The following TMEM190 variants were observed in gnomAD, a reference collection of about 807,000 sequenced individuals.
TMEM190 encodes the protein transmembrane protein 190.
In TMEM190, 17 loss-of-function variants were observed where a neutral mutation model predicts 17.1. The ratio of observed to expected loss-of-function variants is 0.99; its 90% CI spans 0.68 to 1.49. The LOEUF (loss-of-function observed/expected upper bound fraction) is 1.49, where lower values mean the gene tolerates loss of function less well. Ranked by LOEUF, TMEM190 falls within the 40% of genes most tolerant of loss-of-function variation. TMEM190 has a pLI of 0.00. For synonymous variants in TMEM190, 101 were observed against 103.8 expected, an observed-to-expected ratio of 0.97 and a Z score of 0.16; for missense variants, 246 against 245.0, an observed-to-expected ratio of 1.00 and a Z score of -0.03.
chr19:55,378,062 G>C lies in TMEM190; in HGVS notation c.393G>C (p.Lys131Asn). Residue 131 changes from lysine to asparagine, a missense_variant, in exon 5 of 5, where the codon AAG (lysine) becomes AAC (asparagine). Transcript: ENST00000291934. The stretch of plus-strand genomic sequence containing the variant: ...CCAAGTCCGTCTCGCTGCTCTCCAA[G>C]CACCGAGGGACCAAGAAGACGCCGT... ...DMSKSVSLLSKHRGTKKTPST... is the reference protein window; with the variant it reads ...DMSKSVSLLSNHRGTKKTPST... 1.9e-6 allele frequency: 3 copies of C among 1,612,316 alleles called. No homozygotes were observed. Among genetic ancestry groups the C allele is most frequent in the Non-Finnish European group, 2.5e-6 (3 of 1,179,426 alleles).
rs888358478 is a variant in TMEM190, at chr19:55,377,831, C to T, written c.250C>T (p.Leu84=). The T allele has an allele frequency of 3.7e-6, 6 of 1,611,438 alleles. No homozygotes were observed. Among genetic ancestry groups the T allele is most frequent in the Non-Finnish European group, 4.2e-6 (5 of 1,179,836 alleles). ...CGTGCGGAGGAAGCACATGTGGGCG[C>T]TGGTCTGGACGTGCAGCGGCCTCCT... is the stretch of plus-strand genomic sequence containing the variant. ...ENVRRKHMWA[L]VWTCSGLLLL... Residue 84 remains leucine, a synonymous_variant, in exon 4 of 5, where the codon CTG becomes TTG. Transcript: ENST00000291934.
rs1179950823 is a variant in TMEM190 at position 55,376,911 on chromosome 19, G to A, written c.58G>A (p.Asp20Asn). 6.3e-7 allele frequency: 1 copy of A among 1,576,612 alleles called. No individual in the cohort carries two copies. Among genetic ancestry groups the A allele is most frequent in the East Asian group, 2.3e-5 (1 of 43,378 alleles). The change falls in exon 1 of 5, where the codon GAC (aspartate) becomes AAC (asparagine). Residue 20 changes from aspartate (D) to asparagine (N), a missense_variant and splice_region_variant. By Grantham distance (23) the Asp-to-Asn change is conservative. Coordinates refer to ENST00000291934, the MANE Select transcript of TMEM190 (RefSeq NM_139172.3). ...GLLLLLQGSA[D>N]GNGIQGFFYP... ...GCTCCTGCTGCTGCAGGGCTCGGCA[G>A]GTGAGGGGCTGGTGAGGCGGGGGAG...
Position 55,377,576 on chromosome 19 carries a change from T to A in TMEM190, c.95-17T>A. The A allele has an allele frequency of 6.3e-7, 1 of 1,596,784 alleles. No individual in the cohort carries two copies. The highest frequency in any genetic ancestry group is 1.1e-5 in the South Asian group (1 of 88,678). On this transcript the variant is annotated splice_polypyrimidine_tract_variant and intron_variant, in intron 2 of 4. Coordinates refer to ENST00000291934, the MANE Select transcript of TMEM190 (RefSeq NM_139172.3). Reference sequence around the variant, plus strand: ...GGAGCGCTGTGATGAAGCAAGCCACTGGTGGTTGGTCCCCAGGCTGTGAGG... The same window carrying A: ...GGAGCGCTGTGATGAAGCAAGCCACAGGTGGTTGGTCCCCAGGCTGTGAGG...
rs779797713 is a variant in TMEM190 at position 55,376,950 on chromosome 19, C to T, written c.58+39C>T. 8.3e-5 allele frequency: 129 copies of T among 1,554,114 alleles called. 1 individual carries two copies. Among genetic ancestry groups the T allele is most frequent in the Non-Finnish European group, 1.0e-4 (116 of 1,148,430 alleles). On this transcript the variant is annotated intron_variant, in intron 1 of 4. Coordinates refer to ENST00000291934, the MANE Select transcript of TMEM190 (RefSeq NM_139172.3). ...GAGGCGGGGGAGCTGAGGAGGGACG[C>T]CCGGCTCCACACAGCCCTAACACTG...
Position 55,377,738 on chromosome 19 carries a change from G to A in TMEM190, c.220+20G>A, listed in dbSNP as rs1357083214. 1 of 1,611,192 alleles carries A rather than the reference G, an allele frequency of 6.2e-7. No individual in the cohort carries two copies. The highest frequency in any genetic ancestry group is 2.2e-5 in the East Asian group (1 of 44,808). ...CAGACGGTGAGGGCTCCTGGCCCCA[G>A]GTCCCTGGGGCGTGGGTCTGGCGGT... On this transcript the variant is annotated intron_variant, in intron 3 of 4. Transcript: ENST00000291934.
chr19:55,376,827 G>C lies in TMEM190; in HGVS notation c.-27G>C. The stretch of plus-strand genomic sequence containing the variant: ...ATGTCCTGTAAGGCCTCTTCCCACA[G>C]TGGCCCCAGGGGTCTGGGGAGGTGA... On this transcript the variant is annotated 5_prime_UTR_variant, in exon 1 of 5. Transcript: ENST00000291934. 1.3e-6 allele frequency: 2 copies of C among 1,516,752 alleles called. No individual in the cohort carries two copies. Among genetic ancestry groups the C allele is most frequent in the Non-Finnish European group, 1.8e-6 (2 of 1,130,224 alleles). 94.0% of individuals were successfully genotyped at this position (1,516,752 alleles called of 1,614,324 possible).
At position 55,378,213 on chromosome 19, in the gene TMEM190, C is replaced by T. The variant is rs201999424; in HGVS notation, c.*10C>T. 18 of 1,504,742 alleles carry T rather than the reference C, an allele frequency of 1.2e-5. No homozygotes were observed. The highest frequency in any genetic ancestry group is 1.5e-5 in the Non-Finnish European group (17 of 1,122,812). The allele number at this position is 1,504,742 out of a possible 1,614,324, so 93.2% of individuals were successfully genotyped here. A position where few individuals can be genotyped will look rare whatever the true frequency, so the allele number is the denominator to read the frequency against. On this transcript the variant is annotated 3_prime_UTR_variant, in exon 5 of 5. Transcript: ENST00000291934. ...GGAAGAGGAGGATTAGGGGAGTCCC[C>T]GGGGGACTGCTCAATACAGATACGG...
At chr19:55,377,064 GGAGCCCAGATCAGACCCC>G (rs770102849) in intron 2 of TMEM190, 38 bp downstream of exon 2, 2 of 1,549,168 alleles carry the variant, frequency 1.3e-6, no homozygotes, top group Non-Finnish European at 1.7e-6. Context: ...CCCAGGGAGG[GGAGCCCAGATCAGACCCC>G]TGAATCTGAG....
chr19:55,377,753 G>A (rs1311850885), intron 3 of TMEM190, 35 bp downstream of exon 3: 2 of 1,612,178 alleles, frequency 1.2e-6, no homozygotes, highest in Middle Eastern at 1.7e-4. Flanking sequence ...CTGGGGCGTG[G>A]GTCTGGCGGT....
chr19:55,378,026 G>A lies in TMEM190; in HGVS notation c.357G>A (p.Pro119=), dbSNP rs754588244. The A allele has an allele frequency of 4.3e-6, 7 of 1,612,602 alleles. No homozygotes were observed. The highest frequency in any genetic ancestry group is 4.5e-5 in the East Asian group (2 of 44,820). ...ATATGCCCGGTTTCCTGGCGGGTCCGTGTGACATGTCCAAGTCCGTCTCGC... is the reference window on the plus strand; with the variant it reads ...ATATGCCCGGTTTCCTGGCGGGTCCATGTGACATGTCCAAGTCCGTCTCGC... ...VLHMPGFLAG[P]CDMSKSVSLL... Residue 119 remains proline, a synonymous_variant, in exon 5 of 5, where the codon CCG becomes CCA. Transcript: ENST00000291934.
chr19:55,377,930 G>T lies in TMEM190; in HGVS notation c.305+44G>T, dbSNP rs745510906. ...GGGCGGGCGCCTGCACCCCCAGGGGGAGGGTCCGGCGGAGGGCGGGGGCTG... is the reference window on the plus strand; with the variant it reads ...GGGCGGGCGCCTGCACCCCCAGGGGTAGGGTCCGGCGGAGGGCGGGGGCTG... On this transcript the variant is annotated intron_variant, in intron 4 of 4. Coordinates refer to ENST00000291934, the MANE Select transcript of TMEM190 (RefSeq NM_139172.3). 10 of 1,606,426 alleles carry T rather than the reference G, an allele frequency of 6.2e-6. No homozygotes were observed. The African/African-American group carries it at 8.0e-5, about 13-fold the overall frequency.
At chr19:55,377,741 C>G (rs1465062619) in intron 3 of TMEM190, 23 bp downstream of exon 3, 2 of 1,611,710 alleles carry the variant, frequency 1.2e-6, no homozygotes, top group South Asian at 1.1e-5. Context: ...GGCCCCAGGT[C>G]CCTGGGGCGT....
Position 55,378,039 on chromosome 19 carries a change from A to C in TMEM190, c.370A>C (p.Lys124Gln). 3 of 1,612,742 alleles carry C rather than the reference A, an allele frequency of 1.9e-6. No homozygotes were observed. Among genetic ancestry groups the C allele is most frequent in the Non-Finnish European group, 2.5e-6 (3 of 1,179,786 alleles). The change falls in exon 5 of 5, where the codon AAG becomes CAG. Residue 124 changes from lysine (K) to glutamine (Q), a missense_variant. Lys to Gln is a moderately conservative substitution (Grantham distance 53). Transcript: ENST00000291934. ...GFLAGPCDMSKSVSLLSKHRG... is the reference protein window; with the variant it reads ...GFLAGPCDMSQSVSLLSKHRG... ...CCTGGCGGGTCCGTGTGACATGTCCAAGTCCGTCTCGCTGCTCTCCAAGCA... is the reference window on the plus strand; with the variant it reads ...CCTGGCGGGTCCGTGTGACATGTCCCAGTCCGTCTCGCTGCTCTCCAAGCA...
rs557123437 is a variant in TMEM190, at chr19:55,377,530, C to A, written c.95-63C>A. On this transcript the variant is annotated intron_variant, in intron 2 of 4. Coordinates refer to ENST00000291934, the MANE Select transcript of TMEM190 (RefSeq NM_139172.3). ...GCCTGGGAGCATGGCCTTGGAATCT[C>A]GTGTATGAGGCCTTCGGAGCGGAGC... 12 of 1,553,430 alleles carry A rather than the reference C, an allele frequency of 7.7e-6. No individual in the cohort carries two copies. In the African/African-American group the frequency reaches 1.5e-4, roughly 19 times the overall value.
chr19:55,377,452 G>A (rs1332881734), intron 2 of TMEM190, 141 bp from the exon 3 acceptor site: 2 of 1,348,302 alleles, frequency 1.5e-6, no homozygotes, highest in African/African-American at 2.9e-5. Flanking sequence ...GAGGGAGGAG[G>A]GGGTGGAGTC....
At chr19:55,377,320 G>GA in intron 2 of TMEM190, among the ~76,000 whole-genome samples, 1 of 116,708 alleles carries the variant, frequency 8.6e-6, no homozygotes, top group Non-Finnish European at 1.8e-5. Flanking sequence ...GGAGGGGCTG[G>GA]GCCTGGACTC....
In TMEM190 at chr19:55,377,995, T is replaced by A. The variant is rs1569036018; in HGVS notation, c.326T>A (p.Val109Glu). Residue 109 changes from valine to glutamate, a missense_variant, in exon 5 of 5, where the codon GTG (valine) becomes GAG (glutamate). Coordinates refer to ENST00000291934, the MANE Select transcript of TMEM190 (RefSeq NM_139172.3). ...CLFWWAKRRDVLHMPGFLAGP... is the reference protein window; with the variant it reads ...CLFWWAKRRDELHMPGFLAGP... ...TGCAGGTGGGCCAAGCGCCGGGACG[T>A]GCTGCATATGCCCGGTTTCCTGGCG... The A allele has an allele frequency of 6.2e-7, 1 of 1,612,288 alleles. No homozygotes were observed. Among genetic ancestry groups the A allele is most frequent in the Admixed American group, 1.7e-5 (1 of 59,966 alleles).
In TMEM190 at chr19:55,378,217, G is replaced by C. The variant is rs1254643476; in HGVS notation, c.*14G>C. The C allele has an allele frequency of 6.5e-7, 1 of 1,527,430 alleles. No individual in the cohort carries two copies. Among genetic ancestry groups the C allele is most frequent in the South Asian group, 1.3e-5 (1 of 77,980 alleles). 94.6% of individuals were successfully genotyped at this position (1,527,430 alleles called of 1,614,324 possible). On this transcript the variant is annotated 3_prime_UTR_variant, in exon 5 of 5. Transcript: ENST00000291934. ...GAGGAGGATTAGGGGAGTCCCCGGG[G>C]GACTGCTCAATACAGATACGGTGGA...
rs777432838 is a variant in TMEM190 at position 55,378,052 on chromosome 19, T to G, written c.383T>G (p.Leu128Arg). 6.2e-7 allele frequency: 1 copy of G among 1,612,698 alleles called. No individual in the cohort carries two copies. Among genetic ancestry groups the G allele is most frequent in the South Asian group, 1.1e-5 (1 of 91,016 alleles). ...TGTGACATGTCCAAGTCCGTCTCGC[T>G]GCTCTCCAAGCACCGAGGGACCAAG... ...GPCDMSKSVS[L>R]LSKHRGTKKT... The change falls in exon 5 of 5, where the codon CTG becomes CGG. Residue 128 changes from leucine (L) to arginine (R), a missense_variant. Leu to Arg is a moderately radical substitution (Grantham distance 102). Coordinates refer to ENST00000291934, the MANE Select transcript of TMEM190 (RefSeq NM_139172.3).
Sources: gnomAD v4.1 joint callset for allele counts (sites outside exome capture counted in the v4.1 genomes callset) on GRCh38, gnomAD v4.1.1 for gene constraint, MANE v1.5 for transcripts, NCBI Gene and HGNC (gene_info 2026-07-23, HGNC 2026-07-21) for gene names.